VPS13C: variants seen among roughly 807,000 people sequenced by gnomAD.
VPS13C encodes the protein intermembrane lipid transfer protein VPS13C.
VPS13C carries 358 observed loss-of-function variants against 456.8 expected under a neutral mutation model. The ratio of observed to expected loss-of-function variants is 0.78; its 90% CI spans 0.72 to 0.86. VPS13C has a LOEUF of 0.86. Ranked by LOEUF, VPS13C falls within the 40% of genes least tolerant of loss-of-function variation. The pLI, the probability that VPS13C is intolerant of heterozygous loss-of-function variation, is 0.00. For missense variants in VPS13C, 4,818 were observed against 4,385.4 expected (o/e 1.10, Z -2.79); for synonymous variants, 1,578 against 1,486.7 (o/e 1.06, Z -1.41).
chr15:62,002,235 A>G (rs1426107919), intron 15 of VPS13C, among the ~76,000 whole-genome samples: 5 of 152,222 alleles, frequency 3.3e-5, no homozygotes, highest in South Asian at 2.1e-4. Context: ...ATGGTATCTC[A>G]TTGTGGTTTT....
chr15:61,914,878 T>TTA lies in VPS13C; in HGVS notation c.8445+754_8445+755insTA, dbSNP rs1455691773. On this transcript the variant is annotated intron_variant, in intron 61 of 84. Transcript: ENST00000644861. ...ACCGAGCCTGGCCAAAACTCTGCCT[T>TTA]AAAAAAAAAAAAAAAAAAAAAAAAA... Among the ~76,000 whole-genome samples the TTA allele has an allele frequency of 4.1e-4, 42 of 102,052 alleles. 1 individual carries two copies. Among genetic ancestry groups the TTA allele is most frequent in the East Asian group, 8.8e-4 (3 of 3,422 alleles). The allele number at this position is 102,052 out of a possible 152,430, so 67.0% of individuals were successfully genotyped here. A position where few individuals can be genotyped will look rare whatever the true frequency, so the allele number is the denominator to read the frequency against.
chr15:61,918,079 G>C (rs2043530078), intron 59 of VPS13C, 57 bp downstream of exon 59: 3 of 1,497,180 alleles, frequency 2.0e-6, no homozygotes, highest in Admixed American at 5.0e-5. Context: ...TTATTTGCCA[G>C]AATATAAATC....
intron 3 of VPS13C, among the ~76,000 whole-genome samples, chr15:62,038,425 C>CA (rs1042785426): frequency 6.6e-6 from 1 of 151,822 alleles, no homozygotes; most frequent in African/African-American, 2.4e-5. Context: ...TGTATCTCTA[C>CA]AAAAAATACA....
At position 61,878,811 on chromosome 15, in the gene VPS13C, A is replaced by G. The variant is rs1358063849; in HGVS notation, c.10003-65T>C. On this transcript the variant is annotated intron_variant, in intron 73 of 84. Transcript: ENST00000644861. ...TGAAAAATTTACATATTTAGGATCC[A>G]GGTAGTCCAGAAACAAACCAAAAAA... is the stretch of plus-strand genomic sequence containing the variant. The G allele has an allele frequency of 2.0e-6, 3 of 1,494,986 alleles. No individual in the cohort carries two copies. In the East Asian group the frequency reaches 7.2e-5, roughly 36 times the overall value. The allele number at this position is 1,494,986 out of a possible 1,614,324, so 92.6% of individuals were successfully genotyped here. A position where few individuals can be genotyped will look rare whatever the true frequency, so the allele number is the denominator to read the frequency against.
intron 83 of VPS13C, 93 bp downstream of exon 83, chr15:61,856,193 G>A (rs555514156): frequency 7.0e-6 from 10 of 1,434,984 alleles, no homozygotes; most frequent in African/African-American, 1.4e-5. Flanking sequence ...TAGTAATAAC[G>A]ACACTAATCC....
chr15:61,972,498 G>C, intron 27 of VPS13C, 127 bp downstream of exon 27: 2 of 884,656 alleles, frequency 2.3e-6, no homozygotes, highest in Non-Finnish European at 3.4e-6. Context: ...ATGTGCATGT[G>C]TGTTGGGCAG....
intron 1 of VPS13C, among the ~76,000 whole-genome samples, chr15:62,047,008 T>C (rs1347428111): frequency 6.6e-6 from 1 of 152,040 alleles, no homozygotes; most frequent in African/African-American, 2.4e-5. Context: ...ATTACGGAAA[T>C]TATAAGAAGG....
rs1327676441 is a variant in VPS13C at position 61,927,092 on chromosome 15, G to C, written c.6515C>G (p.Thr2172Arg). 1 of 1,613,340 alleles carries C rather than the reference G, an allele frequency of 6.2e-7. No homozygotes were observed. Among genetic ancestry groups the C allele is most frequent in the Non-Finnish European group, 8.5e-7 (1 of 1,179,458 alleles). Residue 2172 changes from threonine (T) to arginine (R), a missense_variant and splice_region_variant, in exon 52 of 85, where the codon ACA (threonine) becomes AGA (arginine). By Grantham distance (71) the Thr-to-Arg change is moderately conservative (BLOSUM62 -1). This residue lies in a region of VPS13C where 4,552 missense variants were observed against 4,130.6 expected (regional missense o/e 1.10). Coordinates refer to ENST00000644861, the MANE Select transcript of VPS13C (RefSeq NM_020821.3). ...LREKRGKNIT[T>R]VLQPCSLFME... is the part of the protein sequence containing the mutation. Reference sequence around the variant, plus strand: ...ATTAGGACACAAGGTAATTCTTACTGTGGTAATGTTTTTCCCTCTCTTTTC... The same window carrying C: ...ATTAGGACACAAGGTAATTCTTACTCTGGTAATGTTTTTCCCTCTCTTTTC...
In VPS13C at chr15:61,920,343, C is replaced by CAT; in HGVS notation, c.7213-14_7213-13dup. 1 of 1,556,654 alleles carries CAT rather than the reference C, an allele frequency of 6.4e-7. No individual in the cohort carries two copies. The highest frequency in any genetic ancestry group is 8.7e-7 in the Non-Finnish European group (1 of 1,150,714). ...CCCTCTGAAAAACCCTGAAAAGGAA[C>CAT]ATATCATCACAGTAAAATTTTTGAA... On this transcript the variant is annotated splice_polypyrimidine_tract_variant and intron_variant, in intron 56 of 84. Coordinates refer to ENST00000644861, the MANE Select transcript of VPS13C (RefSeq NM_020821.3).
Position 62,044,248 on chromosome 15 carries a change from C to T in VPS13C, c.108G>A (p.Val36=), listed in dbSNP as rs764978280. The T allele has an allele frequency of 6.1e-6, 9 of 1,473,366 alleles. No individual in the cohort carries two copies. The Admixed American group carries it at 1.3e-4, about 22-fold the overall frequency. 91.3% of individuals were successfully genotyped at this position (1,473,366 alleles called of 1,614,324 possible). A position where few individuals can be genotyped will look rare whatever the true frequency, so the allele number is the denominator to read the frequency against. ...QLKLGIWGGN[V]ALDNLQIKEN... is the part of the protein sequence containing the mutation. ...CTTTTATCTGTAGATTATCTAAAGC[C>T]ACATTTCCTTTAAAAAAAGAAAACA... The change falls in exon 2 of 85, where the codon GTG becomes GTA. Residue 36 remains valine, a synonymous_variant. Transcript: ENST00000644861.
intron 66 of VPS13C, among the ~76,000 whole-genome samples, chr15:61,894,968 G>A (rs1028456500): frequency 1.3e-5 from 2 of 152,076 alleles, no homozygotes; most frequent in Non-Finnish European, 2.9e-5. Flanking sequence ...CCATATGGTA[G>A]GCCACAAAAC....
chr15:61,859,557 G>A (rs1351737622), intron 82 of VPS13C, among the ~76,000 whole-genome samples: 1 of 152,044 alleles, frequency 6.6e-6, no homozygotes, highest in Non-Finnish European at 1.5e-5. Flanking sequence ...GCCTCCACTT[G>A]CCTCTAGTTT....
At chr15:61,965,253 T>C (rs112569417) in intron 30 of VPS13C, among the ~76,000 whole-genome samples, 176 of 152,072 alleles carry the variant, frequency 1.2e-3, no homozygotes, top group African/African-American at 3.6e-3. Flanking sequence ...GCTACTACTA[T>C]GTCTAGAAAT....
Position 61,983,868 on chromosome 15 carries a change from G to C in VPS13C, c.1866C>G (p.Asp622Glu), listed in dbSNP as rs116803472. Residue 622 changes from aspartate (D) to glutamate (E), a missense_variant, in exon 20 of 85, where the codon GAC (aspartate) becomes GAG (glutamate). Transcript: ENST00000644861. ...GCTGGGACTGAACAATCAGAGTCTG[G>C]TCAGCAGGACTATCCTCCGGATTGG... is the stretch of plus-strand genomic sequence containing the variant. Reference protein sequence around the residue: ...FETNPEDSPADQTLIVQSQPV... With the variant: ...FETNPEDSPAEQTLIVQSQPV... 1 of 1,614,104 alleles carries C rather than the reference G, an allele frequency of 6.2e-7. No homozygotes were observed.
At chr15:61,907,498 T>G in intron 65 of VPS13C, 108 bp from the exon 66 acceptor site, 4 of 1,396,248 alleles carry the variant, frequency 2.9e-6, no homozygotes, top group Non-Finnish European at 3.8e-6. Context: ...GAAATTGCTG[T>G]GGTTAATAAA....
intron 82 of VPS13C, among the ~76,000 whole-genome samples, chr15:61,862,538 A>T (rs1211163562): frequency 6.6e-6 from 1 of 152,222 alleles, no homozygotes; most frequent in Non-Finnish European, 1.5e-5. Context: ...TACAATATCT[A>T]AGACAAAAAA....
Position 61,949,566 on chromosome 15 carries a change from C to T in VPS13C, c.4636G>A (p.Ala1546Thr), listed in dbSNP as rs759150821. ...ASLDLVLHLE[A>T]LLSFMDFLSS... Reference sequence around the variant, plus strand: ...AAAAAATCCATGAAGGAAAGTAAAGCTTCCAAATGAAGTACTAAGTCTAAG... The same window carrying T: ...AAAAAATCCATGAAGGAAAGTAAAGTTTCCAAATGAAGTACTAAGTCTAAG... Residue 1546 changes from alanine (A) to threonine (T), a missense_variant, in exon 42 of 85, where the codon GCT (alanine) becomes ACT (threonine). Around this residue, in one of 3 missense-constraint regions of VPS13C, gnomAD observed 4,552 missense variants for 4,130.6 expected, o/e 1.10. Transcript: ENST00000644861. 4 of 1,611,500 alleles carry T rather than the reference C, an allele frequency of 2.5e-6. No homozygotes were observed. In the African/African-American group the frequency reaches 4.0e-5, roughly 16 times the overall value.
intron 36 of VPS13C, 137 bp downstream of exon 36, chr15:61,959,311 T>A: frequency 2.9e-6 from 2 of 700,706 alleles, no homozygotes; most frequent in Non-Finnish European, 4.4e-6. Flanking sequence ...ATAATAATGA[T>A]CTTGTTGGAC....
chr15:61,985,737 GA>G (rs1231500213), intron 18 of VPS13C, among the ~76,000 whole-genome samples: 1 of 152,092 alleles, frequency 6.6e-6, no homozygotes, highest in African/African-American at 2.4e-5. Context: ...AAGACACTGA[GA>G]AAATAAATCC....
Sources: gnomAD v4.1 joint callset for allele counts (sites outside exome capture counted in the v4.1 genomes callset) on GRCh38, gnomAD v4.1.1 for gene constraint, gnomAD v4.1.1 regional missense constraint, MANE v1.5 for transcripts, NCBI Gene and HGNC (gene_info 2026-07-23, HGNC 2026-07-21) for gene names.